HAT1: variants seen among roughly 807,000 people sequenced by gnomAD.
HAT1 encodes histone acetyltransferase type B catalytic subunit.
Under a neutral mutation model 56.6 loss-of-function variants are expected in HAT1, and 20 were observed. The ratio of observed to expected loss-of-function variants is 0.35; its 90% CI spans 0.25 to 0.51. The LOEUF (loss-of-function observed/expected upper bound fraction) is 0.51. Ranked by LOEUF, HAT1 falls within the 20% of genes least tolerant of loss-of-function variation. The probability of loss-of-function intolerance (pLI) is 0.95; values close to 1 mark genes in which losing one functional copy is unlikely to be tolerated. For synonymous variants in HAT1, 146 were observed against 165.5 expected (o/e 0.88, Z 0.91); for missense variants, 408 against 504.3 (o/e 0.81, Z 1.83).
At chr2:171,976,371 C>T (rs1349521168) in intron 9 of HAT1, 63 bp downstream of exon 9, 5 of 885,228 alleles carry the variant, frequency 5.6e-6, no homozygotes, top group Non-Finnish European at 8.2e-6. Flanking sequence ...AAGTGTATAC[C>T]TTAACTAAAA....
intron 2 of HAT1, among the ~76,000 whole-genome samples, chr2:171,927,396 G>T (rs1686625479): frequency 6.6e-6 from 1 of 152,176 alleles, no homozygotes; most frequent in African/African-American, 2.4e-5. Flanking sequence ...AAAATACTTG[G>T]TAAGGGCTGA....
intron 2 of HAT1, among the ~76,000 whole-genome samples, chr2:171,932,258 T>G (rs1686767469): frequency 6.6e-6 from 1 of 152,180 alleles, no homozygotes; most frequent in African/African-American, 2.4e-5. Flanking sequence ...CGTCTTTGCT[T>G]GATTTTGGTA....
chr2:171,942,152 G>T (rs552557994), intron 2 of HAT1, among the ~76,000 whole-genome samples: 214 of 152,278 alleles, frequency 1.4e-3, no homozygotes, highest in Non-Finnish European at 2.1e-3. Context: ...TGATCCACCT[G>T]CCTTGGCCTC....
chr2:171,949,293 CCTTGAAT>C (rs1687245188), intron 3 of HAT1, among the ~76,000 whole-genome samples: 1 of 151,980 alleles, frequency 6.6e-6, no homozygotes, highest in Non-Finnish European at 1.5e-5. Flanking sequence ...CTCACTGCAG[CCTTGAAT>C]TCCCAGGCTC....
At chr2:171,971,499 A>G (rs564169596) in intron 8 of HAT1, among the ~76,000 whole-genome samples, 2 of 152,238 alleles carry the variant, frequency 1.3e-5, no homozygotes, top group African/African-American at 4.8e-5. Flanking sequence ...TATCTCGTTC[A>G]TCTTCTTAGA....
intron 2 of HAT1, among the ~76,000 whole-genome samples, chr2:171,944,951 A>G (rs1687119737): frequency 6.6e-6 from 1 of 152,152 alleles, no homozygotes; most frequent in Non-Finnish European, 1.5e-5. Context: ...AGCTCAATGC[A>G]ACCTCCTCCT....
intron 10 of HAT1, 79 bp from the exon 11 acceptor site, chr2:171,983,106 C>G: frequency 1.2e-6 from 1 of 801,946 alleles, no homozygotes; most frequent in Non-Finnish European, 1.9e-6. Flanking sequence ...TTATTTTTAA[C>G]ATTGGAGACT....
At chr2:171,934,429 G>T (rs1331932551) in intron 2 of HAT1, among the ~76,000 whole-genome samples, 3 of 152,170 alleles carry the variant, frequency 2.0e-5, no homozygotes, top group African/African-American at 4.8e-5. Flanking sequence ...ATGAAGGAGG[G>T]TATACAGGAA....
chr2:171,938,072 C>CTCTCTT (rs1686922479), intron 2 of HAT1, among the ~76,000 whole-genome samples: 1 of 133,168 alleles, frequency 7.5e-6, no homozygotes, highest in East Asian at 2.1e-4. Flanking sequence ...CTCTCTCTCT[C>CTCTCTT]TCTTTAAATG....
intron 3 of HAT1, among the ~76,000 whole-genome samples, chr2:171,951,585 A>ATT (rs35551729): frequency 0.014 from 1,716 of 121,638 alleles, 23 homozygotes; most frequent in Admixed American, 0.022. Context: ...ACACCTGCCT[A>ATT]TTTTTTTTTT....
chr2:171,950,657 T>C (rs557328781), intron 3 of HAT1, among the ~76,000 whole-genome samples: 2 of 151,744 alleles, frequency 1.3e-5, no homozygotes, highest in African/African-American at 4.8e-5. Flanking sequence ...ACACGTGCTA[T>C]CCCACCCAGC....
chr2:171,974,772 G>A (rs1047112857), intron 8 of HAT1, among the ~76,000 whole-genome samples: 1 of 152,220 alleles, frequency 6.6e-6, no homozygotes, highest in African/African-American at 2.4e-5. Flanking sequence ...ATTATTGAGC[G>A]TTTTTATCAT....
At chr2:171,949,782 C>T (rs550820431) in intron 3 of HAT1, among the ~76,000 whole-genome samples, 3 of 152,096 alleles carry the variant, frequency 2.0e-5, no homozygotes, top group South Asian at 4.2e-4. Context: ...GGATTACAGG[C>T]GTGAACCACC....
intron 4 of HAT1, among the ~76,000 whole-genome samples, chr2:171,956,547 G>C (rs1182329005): frequency 6.6e-6 from 1 of 151,662 alleles, no homozygotes; most frequent in African/African-American, 2.4e-5. Context: ...AACTGCCTCT[G>C]GTTGGTGAGG....
intron 4 of HAT1, chr2:171,964,834 A>G (rs1687647919): frequency 7.0e-6 from 1 of 143,446 alleles, no homozygotes; most frequent in East Asian, 2.0e-4. Context: ...CTAAATATGT[A>G]TATTTTTAAG....
At chr2:171,934,402 A>G (rs867389011) in intron 2 of HAT1, among the ~76,000 whole-genome samples, 5 of 152,196 alleles carry the variant, frequency 3.3e-5, no homozygotes, top group Non-Finnish European at 5.9e-5. Flanking sequence ...AGCATGGAGA[A>G]TTTCTACCAT....
intron 2 of HAT1, among the ~76,000 whole-genome samples, chr2:171,940,566 T>G (rs1249444648): frequency 6.6e-6 from 1 of 152,244 alleles, no homozygotes; most frequent in African/African-American, 2.4e-5. Flanking sequence ...CCATTAAGAA[T>G]GGAGCTCTCA....
chr2:171,960,307 A>T (rs1026734131), intron 4 of HAT1, among the ~76,000 whole-genome samples: 2 of 152,188 alleles, frequency 1.3e-5, no homozygotes, highest in African/African-American at 4.8e-5. Context: ...AGATGAAGAA[A>T]AAAAACGAGA....
intron 2 of HAT1, among the ~76,000 whole-genome samples, chr2:171,934,046 C>T (rs1686806514): frequency 6.6e-6 from 1 of 152,094 alleles, no homozygotes; most frequent in Non-Finnish European, 1.5e-5. Context: ...ATTTGCAGCT[C>T]TGATATTAGG....
Sources: gnomAD v4.1 joint callset for allele counts (sites outside exome capture counted in the v4.1 genomes callset) on GRCh38, gnomAD v4.1.1 for gene constraint, MANE v1.5 for transcripts, NCBI Gene and HGNC (gene_info 2026-07-23, HGNC 2026-07-21) for gene names.